Variants in GLIS3 observed in about 807,000 individuals in gnomAD.
GLIS3 encodes the protein zinc finger protein GLIS3.
GLIS3 carries 53 observed loss-of-function variants against 78.6 expected under a neutral mutation model. The observed-to-expected ratio is 0.67, with a 90% CI of 0.54 to 0.85. The LOEUF is 0.85. Among genes scored for constraint, GLIS3 ranks in the 40% least tolerant of loss-of-function variants. The pLI, the probability that GLIS3 is intolerant of heterozygous loss-of-function variation, is 0.00. For missense variants in GLIS3, 1,703 were observed against 1,231.1 expected (o/e 1.38, Z -5.74); for synonymous variants, 684 against 509.9 (o/e 1.34, Z -4.60).
intron 2 of GLIS3, among the ~76,000 whole-genome samples, chr9:4,233,572 C>T (rs1326944551): frequency 6.6e-6 from 1 of 152,160 alleles, no homozygotes; most frequent in Non-Finnish European, 1.5e-5. Context: ...TGCTCTCATC[C>T]AGGCTTTGTT....
chr9:4,356,245 G>A, the GLIS3 span, among the ~76,000 whole-genome samples: 1 of 152,200 alleles, frequency 6.6e-6, no homozygotes, highest in South Asian at 2.1e-4. Flanking sequence ...GAGTTCAGCA[G>A]CAGAGCCGGA....
chr9:3,984,474 C>T (rs929964369), intron 4 of GLIS3, among the ~76,000 whole-genome samples: 12 of 152,172 alleles, frequency 7.9e-5, no homozygotes, highest in Admixed American at 2.0e-4. Flanking sequence ...TTTGTTTCGG[C>T]CAATTTCTCC....
At chr9:3,885,955 A>G (rs755191944) in intron 7 of GLIS3, among the ~76,000 whole-genome samples, 8 of 152,234 alleles carry the variant, frequency 5.3e-5, no homozygotes, top group Non-Finnish European at 1.0e-4. Context: ...TCTTCATCTT[A>G]AATAAGGATA....
the GLIS3 span, among the ~76,000 whole-genome samples, chr9:4,445,287 A>G: frequency 1.9e-4 from 29 of 152,296 alleles, no homozygotes; most frequent in African/African-American, 6.7e-4. Flanking sequence ...CACTGTTTTT[A>G]TTATATAAAG....
intron 6 of GLIS3, among the ~76,000 whole-genome samples, chr9:3,925,491 C>T (rs1825154673): frequency 6.6e-6 from 1 of 152,166 alleles, no homozygotes; most frequent in South Asian, 2.1e-4. Flanking sequence ...GTGAAGTGTT[C>T]TCCCCATGTC....
At chr9:4,121,038 C>T (rs1283375910) in intron 3 of GLIS3, among the ~76,000 whole-genome samples, 1 of 152,160 alleles carries the variant, frequency 6.6e-6, no homozygotes, top group African/African-American at 2.4e-5. Flanking sequence ...TTTTCTAAGA[C>T]AATTATATAT....
chr9:3,854,955 C>T (rs1229651938), intron 9 of GLIS3, among the ~76,000 whole-genome samples: 1 of 152,196 alleles, frequency 6.6e-6, no homozygotes, highest in Admixed American at 6.5e-5. Flanking sequence ...TGTTTGGGAA[C>T]ATCACCCATT....
At chr9:4,162,537 C>T (rs190216336) in intron 2 of GLIS3, among the ~76,000 whole-genome samples, 2 of 152,214 alleles carry the variant, frequency 1.3e-5, no homozygotes, top group East Asian at 1.9e-4. Context: ...GAAGCTTGAC[C>T]GTTTCAGAAT....
chr9:4,398,500 G>A, the GLIS3 span, among the ~76,000 whole-genome samples: 2 of 151,866 alleles, frequency 1.3e-5, no homozygotes, highest in African/African-American at 4.9e-5. Flanking sequence ...ATTGCATTGA[G>A]GGGGTGGGGG....
intron 2 of GLIS3, among the ~76,000 whole-genome samples, chr9:4,248,618 C>T (rs113177856): frequency 3.0e-4 from 45 of 152,264 alleles, no homozygotes; most frequent in African/African-American, 1.1e-3. Context: ...AGTGGGATTG[C>T]TGGGTCAAAT....
At chr9:4,285,523 CTTAT>C (rs945480063) in intron 2 of GLIS3, 3 of 152,254 alleles carry the variant, frequency 2.0e-5, no homozygotes, top group African/African-American at 7.2e-5. Context: ...CTTAATTTTT[CTTAT>C]TTATATTTAT....
At chr9:3,987,615 T>G (rs2129708027) in intron 4 of GLIS3, among the ~76,000 whole-genome samples, 1 of 150,302 alleles carries the variant, frequency 6.7e-6, no homozygotes. Flanking sequence ...GGCAGGCACT[T>G]GAACCCAGGA....
chr9:4,345,555 G>A (rs141470734), intron 2 of GLIS3, among the ~76,000 whole-genome samples: 258 of 152,234 alleles, frequency 1.7e-3, no homozygotes, highest in African/African-American at 5.8e-3. Context: ...CTGGGATTTT[G>A]GCCTGCAGAG....
chr9:4,339,275 G>T (rs1385842009), intron 2 of GLIS3, among the ~76,000 whole-genome samples: 1 of 152,202 alleles, frequency 6.6e-6, no homozygotes, highest in African/African-American at 2.4e-5. Flanking sequence ...TTGTCACTAT[G>T]TAGCTAAAGC....
chr9:3,910,338 T>G (rs188449684), intron 6 of GLIS3, among the ~76,000 whole-genome samples: 1 of 152,100 alleles, frequency 6.6e-6, no homozygotes, highest in African/African-American at 2.4e-5. Flanking sequence ...CTGAAAAAAT[T>G]TTGTTTTGTT....
At chr9:4,277,930 A>T (rs1395660947) in intron 2 of GLIS3, among the ~76,000 whole-genome samples, 1 of 152,230 alleles carries the variant, frequency 6.6e-6, no homozygotes, top group Non-Finnish European at 1.5e-5. Flanking sequence ...AGCGAGACTA[A>T]TAAGTTGCCA....
intron 4 of GLIS3, among the ~76,000 whole-genome samples, chr9:4,003,500 A>G (rs117480019): frequency 0.018 from 2,725 of 152,300 alleles, 35 homozygotes; most frequent in Middle Eastern, 0.027. Flanking sequence ...AATTGTCTCA[A>G]TCTTATAGAA....
intron 4 of GLIS3, among the ~76,000 whole-genome samples, chr9:3,980,456 G>A (rs1261030370): frequency 6.6e-6 from 1 of 152,162 alleles, no homozygotes; most frequent in Non-Finnish European, 1.5e-5. Context: ...CCAGCAGGCT[G>A]CCAAGTCATT....
At chr9:4,107,143 A>G (rs1332067485) in intron 4 of GLIS3, among the ~76,000 whole-genome samples, 2 of 152,216 alleles carry the variant, frequency 1.3e-5, no homozygotes, top group Non-Finnish European at 2.9e-5. Flanking sequence ...CCACTCATGG[A>G]AAGCTCCAAG....
Sources: allele counts gnomAD v4.1 joint callset (sites outside exome capture counted in the v4.1 genomes callset), GRCh38; gene constraint gnomAD v4.1.1; transcripts MANE v1.5; gene names NCBI Gene and HGNC (gene_info 2026-07-23, HGNC 2026-07-21).